NFIA: variants seen among roughly 807,000 people sequenced by gnomAD.
The protein encoded by NFIA is nuclear factor I A, also known as nuclear factor 1 A-type.
NFIA carries 8 observed loss-of-function variants against 62.8 expected under a neutral mutation model. That is an observed-to-expected ratio of 0.13 (90% CI 0.07 to 0.23). The LOEUF (loss-of-function observed/expected upper bound fraction) is 0.23. Among genes scored for constraint, NFIA ranks in the 10% least tolerant of loss-of-function variants. The probability of loss-of-function intolerance (pLI) is 1.00; values close to 1 mark genes in which losing one functional copy is unlikely to be tolerated. For synonymous variants in NFIA, 235 were observed against 238.1 expected (o/e 0.99, Z 0.12); for missense variants, 410 against 642.1 (o/e 0.64, Z 3.91).
chr1:61,221,858 G>A (rs190820856), intron 2 of NFIA, among the ~76,000 whole-genome samples: 8 of 152,198 alleles, frequency 5.3e-5, no homozygotes, highest in African/African-American at 1.9e-4. Context: ...TTCATAGCCC[G>A]TATGATGCTG....
In NFIA at chr1:61,385,640, A is replaced by G. The variant is rs148316477; in HGVS notation, c.1075+2275A>G. Among the ~76,000 whole-genome samples, 813 of 152,264 alleles carry G rather than the reference A, an allele frequency of 5.3e-3. 6 individuals are homozygous for G. The highest frequency in any genetic ancestry group is 8.6e-3 in the Non-Finnish European group (587 of 68,018). ...CCTTAAAACTGTAGTTCTAGAAATT[A>G]CTGTCATGGGCACTTCCCTATGGGT... On this transcript the variant is annotated intron_variant, in intron 7 of 10. Coordinates refer to ENST00000403491, the MANE Select transcript of NFIA (RefSeq NM_001134673.4).
intron 2 of NFIA, among the ~76,000 whole-genome samples, chr1:61,091,113 G>A (rs2100419319): frequency 6.6e-6 from 1 of 152,226 alleles, no homozygotes; most frequent in East Asian, 1.9e-4. Flanking sequence ...AAACCATTGT[G>A]GCCTTTTCAC....
At chr1:61,274,003 G>A (rs562174188) in intron 2 of NFIA, among the ~76,000 whole-genome samples, 1 of 152,318 alleles carries the variant, frequency 6.6e-6, no homozygotes, top group African/African-American at 2.4e-5. Flanking sequence ...GGTTTGAGGA[G>A]CCGAATATGT....
chr1:61,109,233 CAG>C (rs948030043), intron 2 of NFIA, among the ~76,000 whole-genome samples: 1 of 151,792 alleles, frequency 6.6e-6, no homozygotes, highest in Non-Finnish European at 1.5e-5. Flanking sequence ...ATTAAGCAGT[CAG>C]GGGTTTATTA....
At chr1:61,235,652 T>TA (rs759009832) in intron 2 of NFIA, among the ~76,000 whole-genome samples, 8,237 of 137,336 alleles carry the variant, frequency 0.06, 261 homozygotes, top group Non-Finnish European at 0.074. Context: ...CCCATCTCTT[T>TA]AAAAAAAAAA....
At chr1:61,137,850 T>C (rs1647229810) in intron 2 of NFIA, among the ~76,000 whole-genome samples, 1 of 152,180 alleles carries the variant, frequency 6.6e-6, no homozygotes, top group Admixed American at 6.5e-5. Flanking sequence ...TCTTTTCCAG[T>C]TGTGATAGAT....
chr1:61,321,662 A>G (rs2100368870), intron 3 of NFIA, among the ~76,000 whole-genome samples: 1 of 152,106 alleles, frequency 6.6e-6, no homozygotes, highest in Admixed American at 6.6e-5. Flanking sequence ...TTTTTTATTA[A>G]CCACAATTTT....
At chr1:61,170,579 A>C (rs1455228665) in intron 2 of NFIA, among the ~76,000 whole-genome samples, 1 of 152,248 alleles carries the variant, frequency 6.6e-6, no homozygotes, top group East Asian at 1.9e-4. Context: ...ACCAAACTTG[A>C]ACTCTTGCCT....
chr1:61,290,362 G>C (rs1432414695), intron 3 of NFIA, among the ~76,000 whole-genome samples: 2 of 151,902 alleles, frequency 1.3e-5, no homozygotes, highest in Non-Finnish European at 2.9e-5. Flanking sequence ...CCCATTTTTT[G>C]TGCAGTACAA....
At chr1:61,077,343 T>G (rs1181078097), upstream of NFIA, 4 of 349,796 alleles carry the variant, frequency 1.1e-5, no homozygotes, top group African/African-American at 2.1e-5. Context: ...TTGGATCGCT[T>G]TCAAAAGAGA....
chr1:61,434,857 G>A (rs1337484994), intron 10 of NFIA, among the ~76,000 whole-genome samples: 1 of 152,128 alleles, frequency 6.6e-6, no homozygotes, highest in Non-Finnish European at 1.5e-5. Context: ...TTGTATGGGA[G>A]AGGAAGGGAA....
At chr1:61,443,553 A>C (rs1667678067) in intron 10 of NFIA, among the ~76,000 whole-genome samples, 1 of 152,188 alleles carries the variant, frequency 6.6e-6, no homozygotes, top group Admixed American at 6.5e-5. Context: ...GGTACTGGGA[A>C]TGCCACAACC....
At chr1:61,281,237 CAA>C (rs113416259) in intron 3 of NFIA, among the ~76,000 whole-genome samples, 4 of 132,918 alleles carry the variant, frequency 3.0e-5, no homozygotes. Context: ...GACTCCATCT[CAA>C]AAAAAAAAAA....
At chr1:61,146,706 G>A (rs1463939568) in intron 2 of NFIA, among the ~76,000 whole-genome samples, 1 of 152,070 alleles carries the variant, frequency 6.6e-6, no homozygotes, top group Admixed American at 6.6e-5. Context: ...TTTACTTGTT[G>A]CCCACTGTCC....
chr1:61,259,676 A>G (rs922089374), intron 2 of NFIA, among the ~76,000 whole-genome samples: 2 of 152,210 alleles, frequency 1.3e-5, no homozygotes, highest in African/African-American at 4.8e-5. Flanking sequence ...TATACATGTG[A>G]CTAACAGAGA....
intron 2 of NFIA, among the ~76,000 whole-genome samples, chr1:61,222,134 A>G (rs999683532): frequency 2.0e-5 from 3 of 152,186 alleles, no homozygotes; most frequent in African/African-American, 7.2e-5. Context: ...GTTTTACTGT[A>G]GAAATGGATA....
chr1:61,413,789 G>T (rs1666222256), intron 9 of NFIA, among the ~76,000 whole-genome samples: 1 of 151,160 alleles, frequency 6.6e-6, no homozygotes, highest in East Asian at 2.0e-4. Flanking sequence ...ACCACACCTG[G>T]CTAATTTTTG....
chr1:61,223,776 T>C (rs1195420048), intron 2 of NFIA, among the ~76,000 whole-genome samples: 1 of 152,126 alleles, frequency 6.6e-6, no homozygotes, highest in Non-Finnish European at 1.5e-5. Flanking sequence ...ATTGGACAAC[T>C]CTGTGACCAA....
intron 2 of NFIA, among the ~76,000 whole-genome samples, chr1:61,206,476 C>T (rs1652908240): frequency 6.6e-6 from 1 of 152,198 alleles, no homozygotes; most frequent in Non-Finnish European, 1.5e-5. Context: ...ACTGATTGAA[C>T]TTCCATGGGC....
Sources: gnomAD v4.1 joint callset for allele counts (sites outside exome capture counted in the v4.1 genomes callset) on GRCh38, gnomAD v4.1.1 for gene constraint, MANE v1.5 for transcripts, NCBI Gene and HGNC (gene_info 2026-07-23, HGNC 2026-07-21) for gene names.